The following ZDHHC23 variants were observed in gnomAD, a reference collection of about 807,000 sequenced individuals.
ZDHHC23 encodes the protein zDHHC palmitoyltransferase 23, also known as palmitoyltransferase ZDHHC23.
ZDHHC23 carries 41 observed loss-of-function variants against 40.2 expected under a neutral mutation model. That is an observed-to-expected ratio of 1.02 (90% CI 0.79 to 1.32). ZDHHC23 has a LOEUF of 1.32. Ranked by LOEUF, ZDHHC23 falls within the 40% of genes most tolerant of loss-of-function variation. ZDHHC23 has a pLI of 0.00. For missense variants in ZDHHC23, 471 were observed against 541.5 expected (o/e 0.87, Z 1.29); for synonymous variants, 204 against 210.2 (o/e 0.97, Z 0.26).
the ZDHHC23 span, chr3:113,978,545 T>A: frequency 1.7e-6 from 1 of 604,828 alleles, no homozygotes; most frequent in Non-Finnish European, 2.8e-6. Flanking sequence ...AGTTATAAGA[T>A]TGAAGGGGTA....
At chr3:113,956,539 C>T (rs1939241500) in intron 4 of ZDHHC23, 33 bp downstream of exon 4, 45 of 1,580,254 alleles carry the variant, frequency 2.8e-5, no homozygotes, top group Non-Finnish European at 3.7e-5. Context: ...TGGAGGCCCC[C>T]TGGGAAGTAA....
At chr3:113,972,402 T>TCA in the ZDHHC23 span, among the ~76,000 whole-genome samples, 2 of 152,206 alleles carry the variant, frequency 1.3e-5, no homozygotes, top group Non-Finnish European at 2.9e-5. Flanking sequence ...TTCCTCTTAC[T>TCA]GATTCCTAAT....
At chr3:113,955,402 T>G (rs1201689490) in intron 3 of ZDHHC23, among the ~76,000 whole-genome samples, 1 of 146,718 alleles carries the variant, frequency 6.8e-6, no homozygotes, top group Non-Finnish European at 1.5e-5. Flanking sequence ...GCGTGTGTGT[T>G]CCATTTACAA....
At chr3:113,969,508 T>C (rs1263672314), downstream of ZDHHC23, among the ~76,000 whole-genome samples, 1 of 152,160 alleles carries the variant, frequency 6.6e-6, no homozygotes, top group Non-Finnish European at 1.5e-5. Flanking sequence ...TGTAACCCAT[T>C]TGGATTTGAT....
chr3:113,956,686 G>A (rs568547773), intron 4 of ZDHHC23, among the ~76,000 whole-genome samples, 180 bp downstream of exon 4: 1 of 152,306 alleles, frequency 6.6e-6, no homozygotes, highest in Non-Finnish European at 1.5e-5. Flanking sequence ...TTTTTCAAGG[G>A]TGCTGTTAAA....
At chr3:113,952,479 G>T (rs1476414358) in intron 2 of ZDHHC23, among the ~76,000 whole-genome samples, 1 of 152,164 alleles carries the variant, frequency 6.6e-6, no homozygotes, top group Non-Finnish European at 1.5e-5. Context: ...CTCCTCTTCT[G>T]CCAGAATCAC....
At chr3:113,978,379 CAAAG>C in the ZDHHC23 span, 1 of 1,587,050 alleles carries the variant, frequency 6.3e-7, no homozygotes, top group African/African-American at 1.3e-5. Context: ...TATCAGTTGA[CAAAG>C]AATTAGAGCA....
Position 113,959,052 on chromosome 3 carries a change from G to T in ZDHHC23, c.*422G>T. 1.0e-6 allele frequency: 1 copy of T among 987,860 alleles called. No homozygotes were observed. The highest frequency in any genetic ancestry group is 1.3e-6 in the Non-Finnish European group (1 of 769,934). The allele number at this position is 987,860 out of a possible 1,614,324, so 61.2% of individuals were successfully genotyped here. On this transcript the variant is annotated 3_prime_UTR_variant, in exon 5 of 5. Coordinates refer to ENST00000638807, the MANE Select transcript of ZDHHC23 (RefSeq NM_001320466.2). The stretch of plus-strand genomic sequence containing the variant: ...AGTCTCAGGGTCATCTGCAAAGTGG[G>T]GTACTGATGCCTGCCCTGGCTACCT...
intron 4 of ZDHHC23, chr3:113,957,465 A>G (rs1939339692): frequency 2.8e-6 from 1 of 354,152 alleles, no homozygotes; most frequent in Non-Finnish European, 5.5e-6. Flanking sequence ...ATGTGAATGA[A>G]ATTCTCTGCT....
At chr3:113,948,631 G>A (rs913991475) in intron 1 of ZDHHC23, 55 bp from the exon 2 acceptor site, 2 of 696,404 alleles carry the variant, frequency 2.9e-6, no homozygotes, top group Non-Finnish European at 4.6e-6. Context: ...AGCCACAGAA[G>A]CCTGATGAAA....
At chr3:113,949,434 G>T (rs1216479655) in intron 2 of ZDHHC23, among the ~76,000 whole-genome samples, 1 of 152,160 alleles carries the variant, frequency 6.6e-6, no homozygotes, top group East Asian at 1.9e-4. Flanking sequence ...CTTGCCCCTT[G>T]TTTCTGGGGA....
At chr3:113,979,006 G>A in the ZDHHC23 span, 1 of 1,612,866 alleles carries the variant, frequency 6.2e-7, no homozygotes, top group African/African-American at 1.3e-5. Context: ...ATGTTCTTCT[G>A]CCACCTGGAC....
rs1939614407 is a variant in ZDHHC23 at position 113,960,627 on chromosome 3, TG to T, written c.*1998del. ...TTGTTCACAACATCTAAATGTAATG[TG>T]ATGTGATGAAGATAAGTAGTACAAA... On this transcript the variant is annotated 3_prime_UTR_variant, in exon 5 of 5. Transcript: ENST00000638807. 6.3e-7 allele frequency: 1 copy of T among 1,581,914 alleles called. No homozygotes were observed. Among genetic ancestry groups the T allele is most frequent in the Non-Finnish European group, 8.5e-7 (1 of 1,169,854 alleles).
In ZDHHC23 at chr3:113,954,226, T is replaced by C. The variant is rs1303159148; in HGVS notation, c.688T>C (p.Ser230Pro). 6.2e-7 allele frequency: 1 copy of C among 1,614,122 alleles called. No homozygotes were observed. Among genetic ancestry groups the C allele is most frequent in the East Asian group, 2.2e-5 (1 of 44,882 alleles). ...KTKGFPGADMSGSLNNRTTKD... is the reference protein window; with the variant it reads ...KTKGFPGADMPGSLNNRTTKD... Reference sequence around the variant, plus strand: ...CAAAGGGTTCCCTGGGGCAGACATGTCGGGCAGTCTCAACAATCGCACAAC... The same window carrying C: ...CAAAGGGTTCCCTGGGGCAGACATGCCGGGCAGTCTCAACAATCGCACAAC... Residue 230 changes from serine (S) to proline (P), a missense_variant, in exon 3 of 5, where the codon TCG becomes CCG. Ser to Pro is a moderately conservative substitution (Grantham distance 74). This residue lies in a region of ZDHHC23 where 346 missense variants were observed against 399.8 expected (regional missense o/e 0.87). Coordinates refer to ENST00000638807, the MANE Select transcript of ZDHHC23 (RefSeq NM_001320466.2).
the ZDHHC23 span, among the ~76,000 whole-genome samples, chr3:113,975,595 A>C: frequency 6.6e-6 from 1 of 152,212 alleles, no homozygotes; most frequent in African/African-American, 2.4e-5. Flanking sequence ...TTAACATGTA[A>C]ACAGTAAATT....
downstream of ZDHHC23, chr3:113,963,406 T>G (rs911677785): frequency 1.3e-5 from 2 of 151,820 alleles, no homozygotes; most frequent in African/African-American, 4.8e-5. Context: ...GCCTGGCATG[T>G]TGACTTAAGG....
rs772299897 is a variant in ZDHHC23, at chr3:113,958,385, G to C, written c.1063G>C (p.Val355Leu). ...TAGCTCGGCTCTGTCCTTCACCTGCGTGTGGTACTCTGTGATCATCACAGC... is the reference window on the plus strand; with the variant it reads ...TAGCTCGGCTCTGTCCTTCACCTGCCTGTGGTACTCTGTGATCATCACAGC... Reference protein sequence around the residue: ...NYSSALSFTCVWYSVIITAGM... With the variant: ...NYSSALSFTCLWYSVIITAGM... The change falls in exon 5 of 5, where the codon GTG becomes CTG. Residue 355 changes from valine (V) to leucine (L), a missense_variant. By Grantham distance (32) the Val-to-Leu change is conservative. Transcript: ENST00000638807. 6.2e-7 allele frequency: 1 copy of C among 1,614,022 alleles called. No homozygotes were observed. Among genetic ancestry groups the C allele is most frequent in the African/African-American group, 1.3e-5 (1 of 75,024 alleles).
At chr3:113,955,391 T>TGTGTGTTC (rs58421915) in intron 3 of ZDHHC23, among the ~76,000 whole-genome samples, 1 of 149,060 alleles carries the variant, frequency 6.7e-6, no homozygotes, top group African/African-American at 2.5e-5. Flanking sequence ...TGTGTGTGTG[T>TGTGTGTTC]GCGTGTGTGT....
At chr3:113,955,397 T>C (rs1036803779) in intron 3 of ZDHHC23, among the ~76,000 whole-genome samples, 17 of 150,554 alleles carry the variant, frequency 1.1e-4, no homozygotes, top group Non-Finnish European at 1.0e-4. Context: ...TGTGTGCGTG[T>C]GTGTTCCATT....
Sources: allele counts gnomAD v4.1 joint callset (sites outside exome capture counted in the v4.1 genomes callset), GRCh38; gene constraint gnomAD v4.1.1; regional missense constraint gnomAD v4.1.1; transcripts MANE v1.5; gene names NCBI Gene and HGNC (gene_info 2026-07-23, HGNC 2026-07-21).